The following CDH4 variants were observed in gnomAD, a reference collection of about 807,000 sequenced individuals.
CDH4 encodes cadherin 4, also known as cadherin-4.
Under a neutral mutation model 86.0 loss-of-function variants are expected in CDH4, and 33 were observed. The observed-to-expected ratio is 0.38, with a 90% CI of 0.29 to 0.51. The LOEUF (loss-of-function observed/expected upper bound fraction) is 0.51. Ranked by LOEUF, CDH4 falls within the 20% of genes least tolerant of loss-of-function variation. The probability of loss-of-function intolerance (pLI) is 0.86; values close to 1 mark genes in which losing one functional copy is unlikely to be tolerated. For missense variants in CDH4, 1,114 were observed against 1,307.4 expected (o/e 0.85, Z 2.28); for synonymous variants, 555 against 549.4 (o/e 1.01, Z -0.14).
chr20:61,853,693 C>T (rs1455522660), intron 6 of CDH4, among the ~76,000 whole-genome samples: 1 of 152,206 alleles, frequency 6.6e-6, no homozygotes, highest in African/African-American at 2.4e-5. Flanking sequence ...TGGGTGTCCA[C>T]ATCCCCACAG....
intron 2 of CDH4, among the ~76,000 whole-genome samples, chr20:61,545,053 C>T (rs1404923002): frequency 3.3e-5 from 5 of 152,314 alleles, no homozygotes; most frequent in Non-Finnish European, 5.9e-5. Flanking sequence ...ATGGCAGGAG[C>T]GCCCTCGCTT....
At chr20:61,262,379 G>A (rs116362935) in intron 2 of CDH4, among the ~76,000 whole-genome samples, 291 of 150,222 alleles carry the variant, frequency 1.9e-3, no homozygotes, top group African/African-American at 7.0e-3. Flanking sequence ...GGTGCTTTCC[G>A]AGGTTCACGT....
intron 2 of CDH4, among the ~76,000 whole-genome samples, chr20:61,353,684 CCCT>C (rs2084728927): frequency 2.0e-4 from 2 of 10,040 alleles, no homozygotes; most frequent in African/African-American, 4.5e-4. Flanking sequence ...CTCCTCCTCC[CCCT>C]CCTCCTCCCC....
chr20:61,268,635 G>A (rs551155736), intron 2 of CDH4, among the ~76,000 whole-genome samples: 1 of 152,220 alleles, frequency 6.6e-6, no homozygotes, highest in East Asian at 1.9e-4. Flanking sequence ...TAATGAGTGA[G>A]TTCCCACTCT....
chr20:61,797,933 G>A (rs1012720058), intron 4 of CDH4, among the ~76,000 whole-genome samples: 13 of 152,208 alleles, frequency 8.5e-5, no homozygotes, highest in African/African-American at 1.4e-4. Flanking sequence ...GGCAAGCTGC[G>A]GGCCTCACGG....
chr20:61,492,052 ATGT>A (rs2085629150), intron 2 of CDH4, among the ~76,000 whole-genome samples: 1 of 144,872 alleles, frequency 6.9e-6, no homozygotes, highest in Admixed American at 6.8e-5. Context: ...GGTGGTATTG[ATGT>A]TGCTGATGGT....
At chr20:61,825,385 G>C (rs1981260523) in intron 4 of CDH4, among the ~76,000 whole-genome samples, 1 of 152,186 alleles carries the variant, frequency 6.6e-6, no homozygotes, top group African/African-American at 2.4e-5. Context: ...CTGGGCAACA[G>C]AGTAGGACTC....
intron 11 of CDH4, 69 bp downstream of exon 11, chr20:61,924,545 A>G: frequency 6.5e-7 from 1 of 1,547,176 alleles, no homozygotes; most frequent in Admixed American, 1.8e-5. Flanking sequence ...TGGGCGAGGG[A>G]GGGTGCTGGC....
intron 2 of CDH4, among the ~76,000 whole-genome samples, chr20:61,360,547 G>A (rs1054443355): frequency 3.3e-5 from 5 of 152,174 alleles, no homozygotes; most frequent in Non-Finnish European, 5.9e-5. Context: ...AGGAGCAGGG[G>A]GCCATGGGAG....
chr20:61,864,690 A>G (rs1983470150), intron 6 of CDH4, among the ~76,000 whole-genome samples: 1 of 152,166 alleles, frequency 6.6e-6, no homozygotes, highest in South Asian at 2.1e-4. Context: ...GACGGCGCCC[A>G]TGAGAGGACC....
chr20:61,327,627 G>A (rs565351895), intron 2 of CDH4, among the ~76,000 whole-genome samples: 4 of 152,286 alleles, frequency 2.6e-5, no homozygotes, highest in South Asian at 2.1e-4. Context: ...ATCGATTCTC[G>A]TGCAGGGAGT....
intron 2 of CDH4, among the ~76,000 whole-genome samples, chr20:61,714,195 C>T (rs566721849): frequency 4.3e-4 from 65 of 152,006 alleles, no homozygotes; most frequent in African/African-American, 5.8e-4. Flanking sequence ...TACAGGCATC[C>T]GCCACCACGC....
intron 2 of CDH4, among the ~76,000 whole-genome samples, chr20:61,297,104 G>A (rs1361244318): frequency 6.6e-6 from 1 of 152,182 alleles, no homozygotes; most frequent in Non-Finnish European, 1.5e-5. Context: ...AAAGTGTGGA[G>A]GCAAGGAGTG....
At chr20:61,750,077 A>G (rs2088471951) in intron 3 of CDH4, among the ~76,000 whole-genome samples, 1 of 152,176 alleles carries the variant, frequency 6.6e-6, no homozygotes, top group East Asian at 1.9e-4. Flanking sequence ...AGGGCAGAAA[A>G]TCAACAATCC....
intron 4 of CDH4, among the ~76,000 whole-genome samples, chr20:61,843,468 A>AAC (rs1982273672): frequency 6.9e-6 from 1 of 144,264 alleles, no homozygotes; most frequent in East Asian, 2.0e-4. Flanking sequence ...AAAAAAAAAA[A>AAC]AAAAAAAAAA....
At chr20:61,499,871 T>C (rs2085688019) in intron 2 of CDH4, among the ~76,000 whole-genome samples, 1 of 152,168 alleles carries the variant, frequency 6.6e-6, no homozygotes, top group Admixed American at 6.5e-5. Flanking sequence ...AACCTTGTTT[T>C]CTCCCCTCCA....
intron 6 of CDH4, among the ~76,000 whole-genome samples, chr20:61,872,215 C>G (rs1004860113): frequency 3.2e-4 from 49 of 152,182 alleles, no homozygotes; most frequent in African/African-American, 1.2e-3. Context: ...ACAGCATGGA[C>G]CCAGCCCCGC....
chr20:61,712,225 G>A (rs953109500), intron 2 of CDH4, among the ~76,000 whole-genome samples: 10 of 152,322 alleles, frequency 6.6e-5, no homozygotes, highest in Non-Finnish European at 1.2e-4. Context: ...GACTTGATCC[G>A]TGTGGTGGAG....
intron 2 of CDH4, among the ~76,000 whole-genome samples, chr20:61,502,064 G>T (rs764497743): frequency 6.6e-6 from 1 of 151,230 alleles, no homozygotes; most frequent in Non-Finnish European, 1.5e-5. Context: ...GGTCAAACTT[G>T]TGCAAATGAA....
Sources: allele counts gnomAD v4.1 joint callset (sites outside exome capture counted in the v4.1 genomes callset), GRCh38; gene constraint gnomAD v4.1.1; transcripts MANE v1.5; gene names NCBI Gene and HGNC (gene_info 2026-07-23, HGNC 2026-07-21).